ATXN7L1: variants seen among roughly 807,000 people sequenced by gnomAD.
ATXN7L1 encodes the protein ataxin-7-like protein 1.
ATXN7L1 carries 15 observed loss-of-function variants against 70.8 expected under a neutral mutation model. The observed-to-expected ratio is 0.21, with a 90% confidence interval of 0.14 to 0.33. The LOEUF is 0.33. ATXN7L1 is among the 10% of genes least tolerant of loss of function. ATXN7L1 has a pLI of 1.00. For missense variants in ATXN7L1, 975 were observed against 1,097.1 expected (o/e 0.89, Z 1.57); for synonymous variants, 440 against 445.1 (o/e 0.99, Z 0.14).
chr7:105,853,781 A>C (rs1815265137), intron 2 of ATXN7L1, among the ~76,000 whole-genome samples: 1 of 152,118 alleles, frequency 6.6e-6, no homozygotes, highest in Admixed American at 6.5e-5. Flanking sequence ...AAAACAAAAC[A>C]AAACAAAACA....
At chr7:105,851,392 G>A (rs938613847) in intron 2 of ATXN7L1, among the ~76,000 whole-genome samples, 4 of 152,062 alleles carry the variant, frequency 2.6e-5, no homozygotes, top group Non-Finnish European at 2.9e-5. Context: ...GGGACTGAAA[G>A]GTGGCTTCTC....
At position 105,644,220 on chromosome 7, in the gene ATXN7L1, C is replaced by T. The variant is rs150476894; in HGVS notation, c.579-1099G>A. ...CCACATGGCTGGCTGGCTGGCTCTC[C>T]TTTCTCTAAGATTCATTCACAGATT... On this transcript the variant is annotated intron_variant, in intron 4 of 11. Transcript: ENST00000419735. Among the ~76,000 whole-genome samples, 433 of 152,282 alleles carry T rather than the reference C, an allele frequency of 2.8e-3. 2 individuals are homozygous for T. The highest frequency in any genetic ancestry group is 9.7e-3 in the African/African-American group (403 of 41,538).
At chr7:105,751,044 T>C (rs1186344957) in intron 3 of ATXN7L1, among the ~76,000 whole-genome samples, 1 of 152,200 alleles carries the variant, frequency 6.6e-6, no homozygotes, top group Non-Finnish European at 1.5e-5. Context: ...GAATGATGAA[T>C]GTATCTTGAC....
intron 2 of ATXN7L1, among the ~76,000 whole-genome samples, chr7:105,812,511 C>T (rs1808575231): frequency 6.6e-6 from 1 of 152,316 alleles, no homozygotes; most frequent in African/African-American, 2.4e-5. Context: ...CTGTTCTCCA[C>T]AAACTTTACT....
chr7:105,870,296 A>G (rs1818066466), intron 2 of ATXN7L1, among the ~76,000 whole-genome samples: 2 of 152,080 alleles, frequency 1.3e-5, no homozygotes, highest in Non-Finnish European at 2.9e-5. Flanking sequence ...AAAAAAAAAA[A>G]AAATTTGATA....
intron 7 of ATXN7L1, among the ~76,000 whole-genome samples, chr7:105,628,571 C>T (rs1407970360): frequency 2.0e-5 from 3 of 151,594 alleles, no homozygotes; most frequent in Non-Finnish European, 2.9e-5. Context: ...AGTTGGATCA[C>T]GAGGTCAGGA....
At position 105,836,015 on chromosome 7, in the gene ATXN7L1, C is replaced by G. The variant is rs569209832; in HGVS notation, c.250+39797G>C. On this transcript the variant is annotated intron_variant, in intron 2 of 11. Coordinates refer to ENST00000419735, the MANE Select transcript of ATXN7L1 (RefSeq NM_020725.2). Reference sequence around the variant, plus strand: ...AGTCTTCAGAAACTGTGAGAACAAGCTTGCTCTGAGGTGAAATGTCCAATT... The same window carrying G: ...AGTCTTCAGAAACTGTGAGAACAAGGTTGCTCTGAGGTGAAATGTCCAATT... 6.6e-5 allele frequency among the ~76,000 whole-genome samples: 10 copies of G among 152,248 alleles called. No individual in the cohort carries two copies. The South Asian group carries it at 1.0e-3, about 16-fold the overall frequency.
At chr7:105,617,944 G>A in intron 9 of ATXN7L1, 1 of 456,760 alleles carries the variant, frequency 2.2e-6, no homozygotes, top group Admixed American at 2.3e-5. Context: ...CGGGGCCTGG[G>A]GTTTGGGCAG....
intron 3 of ATXN7L1, among the ~76,000 whole-genome samples, chr7:105,742,083 G>A (rs1407560308): frequency 7.2e-5 from 11 of 152,170 alleles, no homozygotes; most frequent in Admixed American, 2.0e-4. Context: ...CTAATGCAGT[G>A]GTGTCAGATC....
At chr7:105,688,613 T>C (rs1366585973) in intron 3 of ATXN7L1, among the ~76,000 whole-genome samples, 1 of 152,116 alleles carries the variant, frequency 6.6e-6, no homozygotes, top group Non-Finnish European at 1.5e-5. Flanking sequence ...TCTCTCTCTC[T>C]ACCTTATGCC....
Position 105,765,658 on chromosome 7 carries a change from C to T in ATXN7L1, c.355+22946G>A, listed in dbSNP as rs566890224. Among the ~76,000 whole-genome samples, 49 of 152,268 alleles carry T rather than the reference C, an allele frequency of 3.2e-4. No individual in the cohort carries two copies. The South Asian group carries it at 8.3e-3, about 26-fold the overall frequency. ...TAAAAGGTTTCCAGTATGAAATCCC[C>T]GGCTAAAGCTTAAACTGTGGGATTT... is the stretch of plus-strand genomic sequence containing the variant. On this transcript the variant is annotated intron_variant, in intron 3 of 11. Transcript: ENST00000419735.
At chr7:105,702,489 T>G (rs1792570745) in intron 3 of ATXN7L1, among the ~76,000 whole-genome samples, 1 of 151,930 alleles carries the variant, frequency 6.6e-6, no homozygotes, top group Admixed American at 6.6e-5. Flanking sequence ...CCAGGCAAAT[T>G]AGGACTTCTG....
At chr7:105,617,078 G>A (rs780529107) in intron 9 of ATXN7L1, among the ~76,000 whole-genome samples, 1 of 151,584 alleles carries the variant, frequency 6.6e-6, no homozygotes, top group South Asian at 2.1e-4. Flanking sequence ...CCAGGCTGGA[G>A]TGCAGTGGTG....
intron 5 of ATXN7L1, among the ~76,000 whole-genome samples, chr7:105,642,206 G>C (rs1487418621): frequency 6.6e-6 from 1 of 152,176 alleles, no homozygotes; most frequent in Non-Finnish European, 1.5e-5. Context: ...GGCACCCCAA[G>C]TGTCTGCTCA....
intron 3 of ATXN7L1, among the ~76,000 whole-genome samples, chr7:105,716,516 T>C (rs1325995889): frequency 6.6e-6 from 1 of 152,096 alleles, no homozygotes; most frequent in Admixed American, 6.6e-5. Flanking sequence ...ACTCTGGCCC[T>C]GTGGTTCTCT....
chr7:105,772,307 C>T (rs890993410), intron 3 of ATXN7L1, among the ~76,000 whole-genome samples: 1 of 152,074 alleles, frequency 6.6e-6, no homozygotes, highest in Non-Finnish European at 1.5e-5. Flanking sequence ...CTCCTGACGT[C>T]AGGTGATCCG....
intron 2 of ATXN7L1, among the ~76,000 whole-genome samples, chr7:105,857,108 G>A (rs1322820935): frequency 6.6e-6 from 1 of 152,110 alleles, no homozygotes; most frequent in Admixed American, 6.5e-5. Flanking sequence ...TTCCTTCCCT[G>A]TACAATGCCC....
chr7:105,665,296 G>A lies in ATXN7L1; in HGVS notation c.356-8C>T. The stretch of plus-strand genomic sequence containing the variant: ...TTGAACCGTGTCTTCTCTCTACAGG[G>A]GCAGAAAGTAGAGAACTCAGCACAG... On this transcript the variant is annotated splice_polypyrimidine_tract_variant and splice_region_variant and intron_variant, in intron 3 of 11. Coordinates refer to ENST00000419735, the MANE Select transcript of ATXN7L1 (RefSeq NM_020725.2). 1 of 1,546,468 alleles carries A rather than the reference G, an allele frequency of 6.5e-7. No individual in the cohort carries two copies.
chr7:105,692,424 T>TCCTTCCCTCCCTCCCTCCTTCCTTCCTC lies in ATXN7L1; in HGVS notation c.356-27137_356-27136insGAGGAAGGAAGGAGGGAGGGAGGGAAGG. Among the ~76,000 whole-genome samples the TCCTTCCCTCCCTCCCTCCTTCCTTCCTC allele has an allele frequency of 1.1e-3, 101 of 88,172 alleles. 3 individuals are homozygous for TCCTTCCCTCCCTCCCTCCTTCCTTCCTC. Among genetic ancestry groups the TCCTTCCCTCCCTCCCTCCTTCCTTCCTC allele is most frequent in the Middle Eastern group, 9.3e-3 (2 of 214 alleles). The allele number at this position is 88,172 out of a possible 152,430, so 57.8% of individuals were successfully genotyped here. A position where few individuals can be genotyped will look rare whatever the true frequency, so the allele number is the denominator to read the frequency against. On this transcript the variant is annotated intron_variant, in intron 3 of 11. Coordinates refer to ENST00000419735, the MANE Select transcript of ATXN7L1 (RefSeq NM_020725.2). ...TTCCTTCCTTCCTTCCTTCCTTCCT[T>TCCTTCCCTCCCTCCCTCCTTCCTTCCTC]CCTCCCTCCCTCCCTCCCTCCCTTC...
Sources: allele counts gnomAD v4.1 joint callset (sites outside exome capture counted in the v4.1 genomes callset), GRCh38; gene constraint gnomAD v4.1.1; transcripts MANE v1.5; gene names NCBI Gene and HGNC (gene_info 2026-07-23, HGNC 2026-07-21).